Variants in IQSEC1 observed in about 807,000 individuals in gnomAD.
The protein encoded by IQSEC1 is IQ motif and Sec7 domain ArfGEF 1, also known as IQ motif and SEC7 domain-containing protein 1.
IQSEC1 carries 31 observed loss-of-function variants against 91.0 expected under a neutral mutation model. The ratio of observed to expected loss-of-function variants is 0.34; its 90% CI spans 0.26 to 0.46. The LOEUF (loss-of-function observed/expected upper bound fraction) is 0.46. Among genes scored for constraint, IQSEC1 ranks in the 20% least tolerant of loss-of-function variants. IQSEC1 has a pLI of 1.00. For synonymous variants in IQSEC1, 699 were observed against 662.6 expected (o/e 1.05, Z -0.84); for missense variants, 1,388 against 1,575.6 (o/e 0.88, Z 2.02).
intron 8 of IQSEC1, 79 bp downstream of exon 8, chr3:12,915,025 G>A (rs1695939311): frequency 2.8e-6 from 4 of 1,431,032 alleles, no homozygotes; most frequent in Non-Finnish European, 3.9e-6. Context: ...GGGAGCCTGG[G>A]GAGCCGGCGG....
At chr3:13,205,949 C>A (rs1479910336) in intron 1 of IQSEC1, among the ~76,000 whole-genome samples, 1 of 148,002 alleles carries the variant, frequency 6.8e-6, no homozygotes, top group Non-Finnish European at 1.5e-5. Flanking sequence ...CATCACTCCA[C>A]CCACCCATCC....
At chr3:12,949,904 G>A (rs1699427369) in intron 1 of IQSEC1, among the ~76,000 whole-genome samples, 1 of 152,232 alleles carries the variant, frequency 6.6e-6, no homozygotes, top group Non-Finnish European at 1.5e-5. Flanking sequence ...AGGGGCAGGA[G>A]CTTCAGACAG....
Position 12,909,811 on chromosome 3 carries a change from TG to T in IQSEC1, c.2417-378del, listed in dbSNP as rs1002094568. 1.3e-5 allele frequency among the ~76,000 whole-genome samples: 2 copies of T among 152,216 alleles called. No individual in the cohort carries two copies. Among genetic ancestry groups the T allele is most frequent in the African/African-American group, 4.8e-5 (2 of 41,466 alleles). On this transcript the variant is annotated intron_variant, in intron 10 of 13. Coordinates refer to ENST00000613206, the MANE Select transcript of IQSEC1 (RefSeq NM_001134382.3). This position sits in a 1 kb window ranked among gnomAD's most constrained non-coding sequence, Gnocchi z 4.9. ...AATGGCCTGTGGCCCACAGCTCCCATGGGGTGCACTATGGGCACTCCACAGC... is the reference window on the plus strand; with the variant it reads ...AATGGCCTGTGGCCCACAGCTCCCATGGGTGCACTATGGGCACTCCACAGC...
intron 2 of IQSEC1, among the ~76,000 whole-genome samples, chr3:13,110,370 C>A (rs1031448316): frequency 6.6e-6 from 1 of 151,908 alleles, no homozygotes; most frequent in Non-Finnish European, 1.5e-5. Flanking sequence ...GCGGGAGGAT[C>A]ACGAGGTCAG....
chr3:13,263,739 C>T (rs907064823), intron 1 of IQSEC1, among the ~76,000 whole-genome samples: 9 of 152,154 alleles, frequency 5.9e-5, no homozygotes, highest in African/African-American at 2.2e-4. Flanking sequence ...CCCAATGTGC[C>T]CAGCCCCACT....
chr3:13,160,659 T>A (rs916147810), intron 2 of IQSEC1, among the ~76,000 whole-genome samples: 1 of 152,252 alleles, frequency 6.6e-6, no homozygotes, highest in African/African-American at 2.4e-5. Flanking sequence ...CCATTTTTCC[T>A]CTTCCTTCTG....
intron 1 of IQSEC1, among the ~76,000 whole-genome samples, chr3:13,221,559 C>T (rs1468153610): frequency 7.0e-6 from 1 of 143,698 alleles, no homozygotes; most frequent in Non-Finnish European, 1.5e-5. Context: ...GGCCGCCTGG[C>T]CAAGGAGGCC....
intron 1 of IQSEC1, among the ~76,000 whole-genome samples, chr3:13,263,439 G>GGGGGGTA (rs1553581065): frequency 1.9e-5 from 2 of 107,194 alleles, no homozygotes; most frequent in African/African-American, 6.1e-5. Flanking sequence ...GGGGGGGGGG[G>GGGGGGTA]AAAGTACCTG....
chr3:13,228,425 A>G (rs939468795), intron 1 of IQSEC1, among the ~76,000 whole-genome samples: 7 of 152,222 alleles, frequency 4.6e-5, no homozygotes, highest in Non-Finnish European at 1.0e-4. Flanking sequence ...AGCTGGAGAC[A>G]GCCACAACCT....
At chr3:13,023,627 G>A (rs1332166524) in intron 1 of IQSEC1, among the ~76,000 whole-genome samples, 2 of 152,118 alleles carry the variant, frequency 1.3e-5, no homozygotes, top group East Asian at 1.9e-4. Context: ...CTGTCCCCAG[G>A]CCCCACCCCC....
chr3:12,985,579 C>T (rs1189546186), intron 1 of IQSEC1, among the ~76,000 whole-genome samples: 1 of 152,032 alleles, frequency 6.6e-6, no homozygotes, highest in Non-Finnish European at 1.5e-5. Flanking sequence ...CCAGCACCCA[C>T]AAATATGTGT....
intron 1 of IQSEC1, among the ~76,000 whole-genome samples, chr3:13,231,830 C>T (rs1228468338): frequency 6.6e-6 from 1 of 152,222 alleles, no homozygotes; most frequent in Non-Finnish European, 1.5e-5. Flanking sequence ...TTATTTTGAA[C>T]TTGACCAAAG....
chr3:13,200,743 A>G (rs1291801272), intron 1 of IQSEC1, among the ~76,000 whole-genome samples: 1 of 152,166 alleles, frequency 6.6e-6, no homozygotes, highest in Non-Finnish European at 1.5e-5. Context: ...AACACCTTAC[A>G]TTTCACACAC....
intron 1 of IQSEC1, among the ~76,000 whole-genome samples, chr3:13,035,379 C>A (rs548765498): frequency 6.6e-6 from 1 of 152,196 alleles, no homozygotes; most frequent in Admixed American, 6.5e-5. Flanking sequence ...GTCTTCCCTA[C>A]GTGGACTTGA....
At chr3:13,022,241 A>G in intron 1 of IQSEC1, 1 of 1,226,366 alleles carries the variant, frequency 8.2e-7, no homozygotes, top group Non-Finnish European at 1.0e-6. Flanking sequence ...AAGAAAGAAA[A>G]GCCCCCAAAG....
In IQSEC1 at chr3:12,928,555, T is replaced by C. The variant is rs549095360; in HGVS notation, c.1569-3813A>G. On this transcript the variant is annotated intron_variant, in intron 3 of 13. Coordinates refer to ENST00000613206, the MANE Select transcript of IQSEC1 (RefSeq NM_001134382.3). ...CCCTGACAGCAGACGGCCAGGGCAC[T>C]GGGCATTTACTGGTGGGAATCCCCT... Among the ~76,000 whole-genome samples the C allele has an allele frequency of 3.3e-5, 5 of 152,280 alleles. 1 individual carries two copies. The highest frequency in any genetic ancestry group is 3.3e-4 in the Admixed American group (5 of 15,300).
In IQSEC1 at chr3:13,207,635, T is replaced by C. The variant is rs1203411514; in HGVS notation, c.273-43502A>G. The stretch of plus-strand genomic sequence containing the variant: ...GCCTCTGCCCTGGCCTCCCTGAGGC[T>C]CCTCACTTGTCCCCACCCCAGAGCC... On this transcript the variant is annotated intron_variant, in intron 1 of 15. Transcript: ENST00000648114. This position sits in a 1 kb window ranked among gnomAD's most constrained non-coding sequence, Gnocchi z 4.8. 1.3e-5 allele frequency among the ~76,000 whole-genome samples: 2 copies of C among 152,152 alleles called. No individual in the cohort carries two copies. Among genetic ancestry groups the C allele is most frequent in the African/African-American group, 4.8e-5 (2 of 41,446 alleles).
chr3:13,022,469 A>G (rs1215587436), intron 1 of IQSEC1: 1 of 1,008,402 alleles, frequency 9.9e-7, no homozygotes, highest in Non-Finnish European at 1.2e-6. Flanking sequence ...GGGAGCAGTG[A>G]GTCACTCAGG....
chr3:13,027,395 A>G (rs1217462539), intron 1 of IQSEC1, among the ~76,000 whole-genome samples: 2 of 152,194 alleles, frequency 1.3e-5, no homozygotes, highest in Non-Finnish European at 2.9e-5. Context: ...ATGGAGCACA[A>G]AGGGCCAGCG....
Sources: allele counts gnomAD v4.1 joint callset (sites outside exome capture counted in the v4.1 genomes callset), GRCh38; gene constraint gnomAD v4.1.1; non-coding constraint Gnocchi (gnomAD v3.1); transcripts MANE v1.5; gene names NCBI Gene and HGNC (gene_info 2026-07-23, HGNC 2026-07-21).